DPF3: variants seen among roughly 807,000 people sequenced by gnomAD.
DPF3 encodes zinc finger protein DPF3.
Under a neutral mutation model 56.8 loss-of-function variants are expected in DPF3, and 18 were observed. The ratio of observed to expected loss-of-function variants is 0.32; its 90% CI spans 0.22 to 0.47. The LOEUF (loss-of-function observed/expected upper bound fraction) is 0.47, where lower values mean the gene tolerates loss of function less well. DPF3 is among the 20% of genes least tolerant of loss of function. The pLI, the probability that DPF3 is intolerant of heterozygous loss-of-function variation, is 1.00. For synonymous variants in DPF3, 188 were observed against 180.2 expected (o/e 1.04, Z -0.35); for missense variants, 403 against 488.8 (o/e 0.82, Z 1.65).
rs1174422464 is a variant in DPF3 at position 72,616,868 on chromosome 14, G to A, written c.*2429C>T. The stretch of plus-strand genomic sequence containing the variant: ...TGACCACGGAGACTTTTGTCTGCTT[G>A]TAGTACCCTGACAGTGCCAGCCCAC... On this transcript the variant is annotated 3_prime_UTR_variant, in exon 11 of 11. Transcript: ENST00000556509. Among the ~76,000 whole-genome samples the A allele has an allele frequency of 6.6e-6, 1 of 152,184 alleles. No individual in the cohort carries two copies. The highest frequency in any genetic ancestry group is 2.4e-5 in the African/African-American group (1 of 41,444).
chr14:72,803,179 A>G (rs888979311), intron 1 of DPF3, among the ~76,000 whole-genome samples: 3 of 152,244 alleles, frequency 2.0e-5, no homozygotes, highest in Admixed American at 1.3e-4. Context: ...TTGTGTCCAT[A>G]GAATCTCATC....
chr14:72,754,187 C>T (rs1890696460), intron 2 of DPF3, among the ~76,000 whole-genome samples: 1 of 152,144 alleles, frequency 6.6e-6, no homozygotes, highest in African/African-American at 2.4e-5. Context: ...GGAACAGGGA[C>T]TTCTCCATGC....
chr14:72,881,759 C>T (rs1054779671), intron 1 of DPF3, among the ~76,000 whole-genome samples: 1 of 151,760 alleles, frequency 6.6e-6, no homozygotes, highest in African/African-American at 2.4e-5. Context: ...ACAGCTGGGG[C>T]TGCTGTGGAG....
chr14:72,718,880 T>C (rs993340860), intron 5 of DPF3, among the ~76,000 whole-genome samples: 2 of 147,628 alleles, frequency 1.4e-5, no homozygotes, highest in African/African-American at 5.0e-5. Flanking sequence ...CAAGTGATTC[T>C]CCGCCTCAGC....
intron 6 of DPF3, among the ~76,000 whole-genome samples, chr14:72,712,900 T>A (rs1888716860): frequency 6.6e-6 from 1 of 152,176 alleles, no homozygotes; most frequent in Non-Finnish European, 1.5e-5. Context: ...TAAAAATGAA[T>A]AAACGAAGAA....
rs1194437603 is a variant in DPF3 at position 72,617,285 on chromosome 14, C to CT, written c.*2011dup. 6.6e-6 allele frequency among the ~76,000 whole-genome samples: 1 copy of CT among 152,084 alleles called. No individual in the cohort carries two copies. Among genetic ancestry groups the CT allele is most frequent in the Non-Finnish European group, 1.5e-5 (1 of 68,022 alleles). On this transcript the variant is annotated 3_prime_UTR_variant, in exon 11 of 11. Transcript: ENST00000556509. ...GTGGCACTTGGGAACATTTGGGGAA[C>CT]TTTTTTTTCTAAATTTAAATTAAAA...
chr14:72,665,486 G>A (rs1039742275), intron 8 of DPF3, among the ~76,000 whole-genome samples: 3 of 152,216 alleles, frequency 2.0e-5, no homozygotes, highest in African/African-American at 4.8e-5. Context: ...ACCTCCTGAT[G>A]TAATGCACTG....
At chr14:72,758,077 A>G (rs1025256597) in intron 2 of DPF3, among the ~76,000 whole-genome samples, 58 of 152,350 alleles carry the variant, frequency 3.8e-4, no homozygotes, top group African/African-American at 1.2e-3. Context: ...GTGAAGATAC[A>G]GTTAGACTTT....
intron 1 of DPF3, among the ~76,000 whole-genome samples, chr14:72,791,186 C>T (rs181392635): frequency 1.6e-4 from 25 of 152,282 alleles, no homozygotes; most frequent in African/African-American, 6.0e-4. Flanking sequence ...AGTCCCTGCC[C>T]GCAGTTTTGA....
intron 8 of DPF3, among the ~76,000 whole-genome samples, chr14:72,668,900 A>C (rs982311730): frequency 1.3e-5 from 2 of 152,226 alleles, no homozygotes; most frequent in Non-Finnish European, 2.9e-5. Context: ...GCAAGTGTAC[A>C]TTGTATCCCC....
intron 5 of DPF3, among the ~76,000 whole-genome samples, chr14:72,715,693 T>C (rs1888889619): frequency 6.6e-6 from 1 of 151,860 alleles, no homozygotes; most frequent in Non-Finnish European, 1.5e-5. Flanking sequence ...TGGAAAGGCC[T>C]GTACCCTAGG....
rs1408618771 is a variant in DPF3 at position 72,650,149 on chromosome 14, GA to G, written c.872-20414del. 3.4e-4 allele frequency among the ~76,000 whole-genome samples: 52 copies of G among 152,250 alleles called. 1 individual carries two copies. The East Asian group carries it at 9.9e-3, about 29-fold the overall frequency. Reference sequence around the variant, plus strand: ...TCCACACTGCCCTTGAGGGAAAAATGAGGACCCAGAGGATGGCCTGGGGATG... The same window carrying G: ...TCCACACTGCCCTTGAGGGAAAAATGGGACCCAGAGGATGGCCTGGGGATG... On this transcript the variant is annotated intron_variant, in intron 8 of 10. Coordinates refer to ENST00000556509, the MANE Select transcript of DPF3 (RefSeq NM_001280542.3).
chr14:72,739,491 A>G (rs1004988574), intron 3 of DPF3, among the ~76,000 whole-genome samples: 22 of 152,192 alleles, frequency 1.4e-4, no homozygotes, highest in Admixed American at 3.3e-4. Context: ...CACCTCCTAC[A>G]GTTTCCCTCT....
intron 8 of DPF3, chr14:72,662,508 G>C (rs2153569402): frequency 1.0e-6 from 1 of 985,042 alleles, no homozygotes; most frequent in Middle Eastern, 5.2e-4. Flanking sequence ...TTCTACTGTA[G>C]AGTAATTCCA....
intron 1 of DPF3, among the ~76,000 whole-genome samples, chr14:72,828,981 T>C (rs1451841983): frequency 6.6e-6 from 1 of 152,204 alleles, no homozygotes; most frequent in African/African-American, 2.4e-5. Flanking sequence ...GCCTTCTCAC[T>C]TGGGCTTGAG....
intron 7 of DPF3, among the ~76,000 whole-genome samples, chr14:72,690,175 C>T (rs1424718983): frequency 6.6e-6 from 1 of 152,150 alleles, no homozygotes; most frequent in Non-Finnish European, 1.5e-5. Flanking sequence ...CAGACGTCTC[C>T]ACATCTCCAC....
At chr14:72,698,028 C>T (rs1887983548) in intron 6 of DPF3, among the ~76,000 whole-genome samples, 1 of 152,194 alleles carries the variant, frequency 6.6e-6, no homozygotes, top group African/African-American at 2.4e-5. Flanking sequence ...CCTAGAATGT[C>T]CCCATCCCCA....
intron 2 of DPF3, among the ~76,000 whole-genome samples, chr14:72,755,889 G>A (rs996852257): frequency 4.6e-5 from 7 of 152,164 alleles, no homozygotes; most frequent in South Asian, 4.1e-4. Flanking sequence ...GGAAAAACAC[G>A]TTCAGCCCTG....
chr14:72,738,833 G>A (rs370258211), intron 3 of DPF3, among the ~76,000 whole-genome samples: 78 of 152,256 alleles, frequency 5.1e-4, no homozygotes, highest in African/African-American at 1.9e-3. Context: ...GCTTCATTTA[G>A]TCATTTCACA....
Sources: gnomAD v4.1 joint callset for allele counts (sites outside exome capture counted in the v4.1 genomes callset) on GRCh38, gnomAD v4.1.1 for gene constraint, MANE v1.5 for transcripts, NCBI Gene and HGNC (gene_info 2026-07-23, HGNC 2026-07-21) for gene names.